The following DNAJC1 variants were observed in gnomAD, a reference collection of about 807,000 sequenced individuals.
DNAJC1 encodes DnaJ heat shock protein family (Hsp40) member C1, also known as dnaJ homolog subfamily C member 1.
In DNAJC1, 58 loss-of-function variants were observed where a neutral mutation model predicts 76.6. The observed-to-expected ratio is 0.76, with a 90% confidence interval of 0.61 to 0.94. The LOEUF is 0.94. Ranked by LOEUF, DNAJC1 falls within the 40% of genes least tolerant of loss-of-function variation. The pLI, the probability that DNAJC1 is intolerant of heterozygous loss-of-function variation, is 0.00. For synonymous variants in DNAJC1, 258 were observed against 267.9 expected, an observed-to-expected ratio of 0.96 and a Z score of 0.36; for missense variants, 689 against 677.3, an observed-to-expected ratio of 1.02 and a Z score of -0.19.
chr10:21,960,452 C>G (rs1383865825), intron 1 of DNAJC1, among the ~76,000 whole-genome samples: 1 of 152,174 alleles, frequency 6.6e-6, no homozygotes, highest in East Asian at 1.9e-4. Context: ...GGCCGGGTGC[C>G]TATTATCACA....
At chr10:21,903,796 C>A (rs1024796248) in intron 7 of DNAJC1, among the ~76,000 whole-genome samples, 3 of 151,998 alleles carry the variant, frequency 2.0e-5, no homozygotes, top group Non-Finnish European at 4.4e-5. Context: ...CCTCATGGAG[C>A]TTACATTCTA....
intron 7 of DNAJC1, among the ~76,000 whole-genome samples, chr10:21,898,806 A>G (rs1045890480): frequency 6.6e-6 from 1 of 151,530 alleles, no homozygotes; most frequent in African/African-American, 2.4e-5. Flanking sequence ...ACTTCCTAAC[A>G]TTACTTTAGA....
At chr10:21,895,856 G>A (rs1451820503) in intron 7 of DNAJC1, among the ~76,000 whole-genome samples, 1 of 152,170 alleles carries the variant, frequency 6.6e-6, no homozygotes, top group East Asian at 1.9e-4. Context: ...AAACCATGGG[G>A]CTTGTTGCTC....
At chr10:21,979,022 C>A (rs1221349002) in intron 1 of DNAJC1, among the ~76,000 whole-genome samples, 3 of 151,328 alleles carry the variant, frequency 2.0e-5, no homozygotes, top group African/African-American at 7.3e-5. Context: ...GAATGATATT[C>A]TTATAATGCA....
At chr10:21,989,580 G>A (rs564140108) in intron 1 of DNAJC1, among the ~76,000 whole-genome samples, 1 of 152,228 alleles carries the variant, frequency 6.6e-6, no homozygotes, top group East Asian at 1.9e-4. Flanking sequence ...GAAATCAGGG[G>A]ATGCAGTGGC....
intron 8 of DNAJC1, among the ~76,000 whole-genome samples, chr10:21,868,393 G>A (rs145800185): frequency 3.3e-4 from 50 of 151,956 alleles, no homozygotes; most frequent in African/African-American, 9.9e-4. Flanking sequence ...AAAGTGCTGC[G>A]ATTACAGGCG....
At chr10:21,912,436 A>G (rs1006674839) in intron 6 of DNAJC1, among the ~76,000 whole-genome samples, 6 of 152,176 alleles carry the variant, frequency 3.9e-5, no homozygotes, top group African/African-American at 4.8e-5. Flanking sequence ...GAGTACTTGC[A>G]TAAGATGCAA....
Position 21,759,581 on chromosome 10 carries a change from C to A in DNAJC1, c.1185G>T (p.Gln395His). 6.2e-7 allele frequency: 1 copy of A among 1,614,104 alleles called. No homozygotes were observed. The highest frequency in any genetic ancestry group is 8.5e-7 in the Non-Finnish European group (1 of 1,180,028). ...TGGCCGTTTTGATGGGCCTGGAATT[C>A]TGAACTGTCGATTTGAGTTCGGAGA... Reference protein sequence around the residue: ...VRLSELKSTVQNSRPIKTATT... With the variant: ...VRLSELKSTVHNSRPIKTATT... Residue 395 changes from glutamine (Q) to histidine (H), a missense_variant, in exon 11 of 12, where the codon CAG (glutamine) becomes CAT (histidine). Gln to His is a conservative substitution (Grantham distance 24, BLOSUM62 0). Coordinates refer to ENST00000376980, the MANE Select transcript of DNAJC1 (RefSeq NM_022365.4).
intron 10 of DNAJC1, among the ~76,000 whole-genome samples, chr10:21,761,334 G>T (rs1199223863): frequency 2.0e-5 from 3 of 152,100 alleles, no homozygotes; most frequent in African/African-American, 4.8e-5. Context: ...CAAGGCAGGG[G>T]GGATCCCCTG....
intron 1 of DNAJC1, among the ~76,000 whole-genome samples, chr10:21,995,082 C>T (rs1322780738): frequency 6.6e-6 from 1 of 151,592 alleles, no homozygotes; most frequent in East Asian, 1.9e-4. Context: ...AAAATAACTG[C>T]CAATAAGATT....
chr10:21,967,914 C>T (rs1415860517), intron 1 of DNAJC1, among the ~76,000 whole-genome samples: 3 of 152,178 alleles, frequency 2.0e-5, no homozygotes, highest in Non-Finnish European at 4.4e-5. Flanking sequence ...TACCAACGTT[C>T]AAGGAAAGTT....
At chr10:21,790,026 A>AAAAAAAAAAAAAAAAAAAAAAAG (rs1564788584) in intron 9 of DNAJC1, among the ~76,000 whole-genome samples, 1 of 149,528 alleles carries the variant, frequency 6.7e-6, no homozygotes, top group African/African-American at 2.5e-5. Flanking sequence ...AAAAAAAAAA[A>AAAAAAAAAAAAAAAAAAAAAAAG]AAAAAAAAAA....
chr10:21,911,393 A>C (rs1320514765), intron 6 of DNAJC1, among the ~76,000 whole-genome samples: 1 of 152,224 alleles, frequency 6.6e-6, no homozygotes, highest in Non-Finnish European at 1.5e-5. Flanking sequence ...CTATAATCTC[A>C]GAATTACATA....
chr10:21,944,062 G>A (rs1485952574), intron 1 of DNAJC1, among the ~76,000 whole-genome samples: 3 of 152,058 alleles, frequency 2.0e-5, no homozygotes, highest in Admixed American at 6.5e-5. Context: ...TGCTGCAAGT[G>A]GATCTGGGAA....
At chr10:21,913,727 A>G (rs1836905956) in intron 6 of DNAJC1, among the ~76,000 whole-genome samples, 1 of 152,196 alleles carries the variant, frequency 6.6e-6, no homozygotes, top group South Asian at 2.1e-4. Context: ...GAGAATGTGT[A>G]CTTTCTTCAA....
At chr10:21,990,054 A>T (rs1046590426) in intron 1 of DNAJC1, among the ~76,000 whole-genome samples, 17 of 152,242 alleles carry the variant, frequency 1.1e-4, no homozygotes, top group African/African-American at 3.9e-4. Context: ...TTTGAAGCAG[A>T]TACACAAACT....
intron 8 of DNAJC1, among the ~76,000 whole-genome samples, chr10:21,848,292 T>C (rs915897128): frequency 1.3e-5 from 2 of 152,226 alleles, no homozygotes; most frequent in Admixed American, 6.5e-5. Flanking sequence ...CATTTGCTCA[T>C]TTTAAAATCA....
intron 9 of DNAJC1, among the ~76,000 whole-genome samples, chr10:21,799,890 G>A (rs1834795093): frequency 6.6e-6 from 1 of 152,122 alleles, no homozygotes; most frequent in Non-Finnish European, 1.5e-5. Context: ...CACTGTGAAG[G>A]CACTGTTCCC....
intron 8 of DNAJC1, among the ~76,000 whole-genome samples, chr10:21,878,855 C>T (rs1362542496): frequency 6.6e-6 from 1 of 151,966 alleles, no homozygotes; most frequent in Non-Finnish European, 1.5e-5. Context: ...CAAGACTGTT[C>T]ACAGAAAAAT....
Sources: gnomAD v4.1 joint callset for allele counts (sites outside exome capture counted in the v4.1 genomes callset) on GRCh38, gnomAD v4.1.1 for gene constraint, MANE v1.5 for transcripts, NCBI Gene and HGNC (gene_info 2026-07-23, HGNC 2026-07-21) for gene names.